The following HCLS1 variants were observed in gnomAD, a reference collection of about 807,000 sequenced individuals.
HCLS1 encodes the protein hematopoietic lineage cell-specific protein.
A neutral mutation model predicts 68.6 loss-of-function variants in HCLS1; 44 were observed. The ratio of observed to expected loss-of-function variants is 0.64; its 90% CI spans 0.50 to 0.82. HCLS1 has a LOEUF of 0.82. Among genes scored for constraint, HCLS1 ranks in the 40% least tolerant of loss-of-function variants. The pLI, the probability that HCLS1 is intolerant of heterozygous loss-of-function variation, is 0.00. For missense variants in HCLS1, 602 were observed against 612.1 expected (o/e 0.98, Z 0.17); for synonymous variants, 217 against 225.8 (o/e 0.96, Z 0.35).
At chr3:121,640,742 T>A (rs1008939510) in intron 6 of HCLS1, among the ~76,000 whole-genome samples, 2 of 138,136 alleles carry the variant, frequency 1.4e-5, no homozygotes, top group Non-Finnish European at 3.1e-5. Flanking sequence ...CTGGGCAACA[T>A]AATAAGACTT....
In HCLS1 at chr3:121,646,567, T is replaced by A. The variant is rs1174988227; in HGVS notation, c.288+752A>T. On this transcript the variant is annotated intron_variant, in intron 4 of 13. Transcript: ENST00000314583. ...TATATTATATATATTAATATATATTTATTACATATATTAATATATATAATA... is the reference window on the plus strand; with the variant it reads ...TATATTATATATATTAATATATATTAATTACATATATTAATATATATAATA... Among the ~76,000 whole-genome samples, 41 of 109,884 alleles carry A rather than the reference T, an allele frequency of 3.7e-4. 1 individual carries two copies. The South Asian group carries it at 9.9e-3, about 27-fold the overall frequency. 72.1% of individuals were successfully genotyped at this position (109,884 alleles called of 152,430 possible).
At chr3:121,643,067 C>T in intron 5 of HCLS1, 86 bp from the exon 6 acceptor site, 1 of 1,098,648 alleles carries the variant, frequency 9.1e-7, no homozygotes, top group Non-Finnish European at 1.4e-6. Flanking sequence ...CAGCCAGCCC[C>T]AGAGGTAGTT....
At chr3:121,647,147 A>G (rs769115324) in intron 4 of HCLS1, among the ~76,000 whole-genome samples, 172 bp downstream of exon 4, 1 of 151,404 alleles carries the variant, frequency 6.6e-6, no homozygotes, top group Non-Finnish European at 1.5e-5. Context: ...ACGCACGGCT[A>G]ATTTTTTGTA....
intron 3 of HCLS1, among the ~76,000 whole-genome samples, chr3:121,648,101 C>T (rs951620186): frequency 2.0e-5 from 3 of 152,090 alleles, no homozygotes; most frequent in African/African-American, 7.2e-5. Context: ...TTTATGTAAA[C>T]ATTAGTGGTA....
chr3:121,653,614 T>C (rs1261514580), intron 3 of HCLS1: 2 of 152,198 alleles, frequency 1.3e-5, no homozygotes, highest in African/African-American at 4.8e-5. Flanking sequence ...GGTAAAATAT[T>C]ATTACTCTCC....
chr3:121,636,480 T>C lies in HCLS1; in HGVS notation c.575A>G (p.Lys192Arg). ...EKHESQRDYA[K>R]GFGGQYGIQK... ...GATTCCATACTGGCCACCAAAGCCC[T>C]TGGCATAATCTGCAGGACAGAAAGT... Residue 192 changes from lysine (K) to arginine (R), a missense_variant, in exon 8 of 14, where the codon AAG becomes AGG. Lys to Arg is a conservative substitution (Grantham distance 26, BLOSUM62 2). Transcript: ENST00000314583. The C allele has an allele frequency of 6.2e-7, 1 of 1,613,296 alleles. No homozygotes were observed. Among genetic ancestry groups the C allele is most frequent in the Non-Finnish European group, 8.5e-7 (1 of 1,179,308 alleles).
chr3:121,655,831 T>TATTC (rs1937853901), intron 3 of HCLS1, among the ~76,000 whole-genome samples: 1 of 143,690 alleles, frequency 7.0e-6, no homozygotes, highest in Non-Finnish European at 1.5e-5. Context: ...ACCATTTATT[T>TATTC]ATTTATTTAT....
rs1169116259 is a variant in HCLS1 at position 121,631,967 on chromosome 3, A to G, written c.1340T>C (p.Leu447Pro). Reference sequence around the variant, plus strand: ...GATTACGTCGTCCGGATCAAAGGAAAGCTCATCACTTCCCTCTGGGGAGAA... The same window carrying G: ...GATTACGTCGTCCGGATCAAAGGAAGGCTCATCACTTCCCTCTGGGGAGAA... ...YDYQGEGSDE[L>P]SFDPDDVITD... is the part of the protein sequence containing the mutation. Residue 447 changes from leucine to proline, a missense_variant, in exon 14 of 14, where the codon CTT becomes CCT. Leu to Pro is a moderately conservative substitution (Grantham distance 98). Transcript: ENST00000314583. 6.2e-7 allele frequency: 1 copy of G among 1,614,074 alleles called. No individual in the cohort carries two copies. Among genetic ancestry groups the G allele is most frequent in the East Asian group, 2.2e-5 (1 of 44,894 alleles).
chr3:121,646,387 TATTACTATGTA>T (rs1560141750), intron 4 of HCLS1, among the ~76,000 whole-genome samples: 1 of 49,348 alleles, frequency 2.0e-5, no homozygotes, highest in African/African-American at 6.3e-5. Flanking sequence ...CTATGTAATA[TATTACTATGTA>T]ATATATTACA....
At chr3:121,637,125 C>T in intron 7 of HCLS1, 21 bp downstream of exon 7, 3 of 1,517,186 alleles carry the variant, frequency 2.0e-6, no homozygotes, top group Non-Finnish European at 2.7e-6. Context: ...TGTGACCTTC[C>T]CCCTTCCAAC....
chr3:121,635,395 A>G (rs937682205), intron 9 of HCLS1, among the ~76,000 whole-genome samples: 1 of 151,838 alleles, frequency 6.6e-6, no homozygotes, highest in African/African-American at 2.4e-5. Flanking sequence ...CTCCTGCCTC[A>G]GCCTCCCAAG....
At chr3:121,633,441 C>T (rs1454438313) in intron 10 of HCLS1, among the ~76,000 whole-genome samples, 2 of 152,194 alleles carry the variant, frequency 1.3e-5, no homozygotes, top group Admixed American at 1.3e-4. Flanking sequence ...GTCTTGAACT[C>T]CTGACTTCCT....
rs80289672 is a variant in HCLS1, at chr3:121,632,468, G to A, written c.1104C>T (p.Pro368=). The A allele has an allele frequency of 9.4e-5, 152 of 1,613,244 alleles. No homozygotes were observed. The Middle Eastern group carries it at 1.3e-3, about 14-fold the overall frequency. Residue 368 remains proline, a synonymous_variant, in exon 12 of 14, where the codon CCC becomes CCT. Coordinates refer to ENST00000314583, the MANE Select transcript of HCLS1 (RefSeq NM_005335.6). ...PVYEAEPEPE[P]EPEPEPENDY... is the part of the protein sequence containing the mutation. ...CATTCTCAGGCTCGGGCTCAGGCTC[G>A]GGCTCAGGCTCAGGCTCTGCTTCGT...
intron 3 of HCLS1, among the ~76,000 whole-genome samples, chr3:121,654,786 C>T (rs1403698140): frequency 2.6e-5 from 4 of 152,118 alleles, no homozygotes; most frequent in African/African-American, 9.7e-5. Flanking sequence ...TGGGATCTGT[C>T]AGTGTTAGCA....
rs989603224 is a variant in HCLS1 at position 121,633,105 on chromosome 3, G to A, written c.970C>T (p.Pro324Ser). The change falls in exon 11 of 14, where the codon CCA (proline) becomes TCA (serine). Residue 324 changes from proline (P) to serine (S), a missense_variant. Pro to Ser is a moderately conservative substitution (Grantham distance 74). Transcript: ENST00000314583. Reference protein sequence around the residue: ...SEPVRTSREHPVPLLPIRQTL... With the variant: ...SEPVRTSREHSVPLLPIRQTL... ...TGCCTAATGGGCAGCAAGGGCACTG[G>A]GTGTTCCCTGCTGGTTCTCACAGGC... 6.2e-7 allele frequency: 1 copy of A among 1,613,266 alleles called. No individual in the cohort carries two copies. Among genetic ancestry groups the A allele is most frequent in the Middle Eastern group, 1.6e-4 (1 of 6,062 alleles).
At chr3:121,650,779 T>C (rs947690547) in intron 3 of HCLS1, among the ~76,000 whole-genome samples, 29 of 152,310 alleles carry the variant, frequency 1.9e-4, no homozygotes, top group African/African-American at 7.0e-4. Flanking sequence ...CCCATAAATT[T>C]TTTTTCAATA....
chr3:121,648,739 C>T (rs776966571), intron 3 of HCLS1, among the ~76,000 whole-genome samples: 1 of 152,160 alleles, frequency 6.6e-6, no homozygotes, highest in East Asian at 1.9e-4. Context: ...GCCTTCTCAG[C>T]TTTAGCCGCA....
intron 3 of HCLS1, among the ~76,000 whole-genome samples, chr3:121,650,815 C>A (rs922091135): frequency 3.3e-5 from 5 of 152,056 alleles, no homozygotes; most frequent in Non-Finnish European, 5.9e-5. Flanking sequence ...GGATTAAGAT[C>A]TTTTGCTCTT....
At chr3:121,640,493 T>C (rs1205112695) in intron 6 of HCLS1, among the ~76,000 whole-genome samples, 1 of 151,570 alleles carries the variant, frequency 6.6e-6, no homozygotes, top group Non-Finnish European at 1.5e-5. Context: ...GCAAATAATA[T>C]AAAATATGAA....
Sources: gnomAD v4.1 joint callset for allele counts (sites outside exome capture counted in the v4.1 genomes callset) on GRCh38, gnomAD v4.1.1 for gene constraint, MANE v1.5 for transcripts, NCBI Gene and HGNC (gene_info 2026-07-23, HGNC 2026-07-21) for gene names.